ARHGEF4: variants seen among roughly 807,000 people sequenced by gnomAD.
ARHGEF4 encodes the protein Rho guanine nucleotide exchange factor 4.
Under a neutral mutation model 162.0 loss-of-function variants are expected in ARHGEF4, and 119 were observed. The observed-to-expected ratio is 0.73, with a 90% CI of 0.63 to 0.86. The LOEUF (loss-of-function observed/expected upper bound fraction) is 0.86. ARHGEF4 is among the 40% of genes least tolerant of loss of function. The pLI is 0.00. For missense variants in ARHGEF4, 2,488 were observed against 2,456.0 expected, an observed-to-expected ratio of 1.01 and a Z score of -0.28; for synonymous variants, 1,014 against 979.9, an observed-to-expected ratio of 1.03 and a Z score of -0.65.
rs188660493 is a variant in ARHGEF4, at chr2:130,983,895, C to T, written c.3985+37260C>T. Among the ~76,000 whole-genome samples the T allele has an allele frequency of 1.5e-3, 222 of 152,170 alleles. 1 individual carries two copies. The highest frequency in any genetic ancestry group is 4.7e-3 in the African/African-American group (197 of 41,518). Reference sequence around the variant, plus strand: ...TGATCTCCTGACCTTGTGATCTGCCCGCTTCGGCCTCCCAAAGTGCTGGGA... The same window carrying T: ...TGATCTCCTGACCTTGTGATCTGCCTGCTTCGGCCTCCCAAAGTGCTGGGA... On this transcript the variant is annotated intron_variant, in intron 4 of 13. Transcript: ENST00000409359.
intron 1 of ARHGEF4, 150 bp downstream of exon 1, chr2:130,837,142 CT>C (rs1245920121): frequency 1.4e-6 from 1 of 729,386 alleles, no homozygotes; most frequent in Non-Finnish European, 1.9e-6. Flanking sequence ...CCGCTCCCAA[CT>C]TTCCGACGTG....
chr2:131,016,831 T>G (rs1268539932), intron 4 of ARHGEF4, among the ~76,000 whole-genome samples: 1 of 152,314 alleles, frequency 6.6e-6, no homozygotes, highest in East Asian at 1.9e-4. Context: ...TGCAGGGCAG[T>G]AGGTCAGCAT....
chr2:130,896,674 C>G (rs1048611040), intron 1 of ARHGEF4, among the ~76,000 whole-genome samples: 1 of 152,192 alleles, frequency 6.6e-6, no homozygotes, highest in Non-Finnish European at 1.5e-5. Flanking sequence ...CAGTAATTTT[C>G]ACATTTCTTG....
At chr2:131,023,995 G>A (rs1309200216) in intron 4 of ARHGEF4, among the ~76,000 whole-genome samples, 1 of 152,160 alleles carries the variant, frequency 6.6e-6, no homozygotes, top group East Asian at 1.9e-4. Context: ...TAGAGTGCAG[G>A]ACATTTGGCT....
intron 1 of ARHGEF4, among the ~76,000 whole-genome samples, chr2:130,908,279 A>G (rs1278829921): frequency 6.6e-6 from 1 of 152,176 alleles, no homozygotes; most frequent in African/African-American, 2.4e-5. Flanking sequence ...TAGAAATGCT[A>G]CTGGTTTTTC....
At chr2:130,938,644 C>T (rs1683104646) in intron 3 of ARHGEF4, among the ~76,000 whole-genome samples, 1 of 151,932 alleles carries the variant, frequency 6.6e-6, no homozygotes, top group Non-Finnish European at 1.5e-5. Context: ...GATATTAGTC[C>T]TTTGTTGAAT....
At chr2:130,910,767 A>G (rs1377415496) in intron 1 of ARHGEF4, among the ~76,000 whole-genome samples, 5 of 152,222 alleles carry the variant, frequency 3.3e-5, no homozygotes, top group African/African-American at 4.8e-5. Context: ...ACTTCAAAAA[A>G]TCAGTATCAC....
At chr2:131,035,114 G>A in intron 5 of ARHGEF4, 2 of 1,138,398 alleles carry the variant, frequency 1.8e-6, no homozygotes, top group Non-Finnish European at 1.1e-6. Context: ...CCGCAGCCCC[G>A]GCGCGGCCCC....
At chr2:131,038,464 CAG>C (rs1690476548) in intron 5 of ARHGEF4, among the ~76,000 whole-genome samples, 1 of 150,258 alleles carries the variant, frequency 6.7e-6, no homozygotes, top group African/African-American at 2.5e-5. Context: ...CCTTGCAGCC[CAG>C]CCTCTCCCTC....
intron 1 of ARHGEF4, among the ~76,000 whole-genome samples, chr2:130,856,273 T>C (rs1681778507): frequency 6.6e-6 from 1 of 152,144 alleles, no homozygotes; most frequent in Admixed American, 6.5e-5. Context: ...GAAGAATCCA[T>C]GAACTTAATG....
At chr2:130,993,425 A>G (rs573480693) in intron 4 of ARHGEF4, among the ~76,000 whole-genome samples, 3 of 152,200 alleles carry the variant, frequency 2.0e-5, no homozygotes, top group East Asian at 2.0e-4. Flanking sequence ...AGTGTTTCAT[A>G]TGTACTTAAA....
chr2:130,888,881 ACC>A (rs1679681645), intron 1 of ARHGEF4, among the ~76,000 whole-genome samples: 1 of 152,060 alleles, frequency 6.6e-6, no homozygotes. Flanking sequence ...CAGGTGGATC[ACC>A]TGAGGTCAGG....
At position 130,985,918 on chromosome 2, in the gene ARHGEF4, G is replaced by A. The variant is rs190305453; in HGVS notation, c.3985+39283G>A. Among the ~76,000 whole-genome samples, 469 of 151,756 alleles carry A rather than the reference G, an allele frequency of 3.1e-3. 2 individuals carry two copies. The highest frequency in any genetic ancestry group is 0.01 in the African/African-American group (432 of 41,374). ...TGTGCATTGTGAGTGATGTGCGTGC[G>A]TAGGGTGTGTTGCATGTGTGTGTTG... On this transcript the variant is annotated intron_variant, in intron 4 of 13. Coordinates refer to ENST00000409359, the MANE Select transcript of ARHGEF4 (RefSeq NM_001367493.1).
intron 4 of ARHGEF4, chr2:130,964,238 C>T (rs1684833504): frequency 1.0e-6 from 1 of 985,692 alleles, no homozygotes; most frequent in Non-Finnish European, 1.2e-6. Context: ...AGCCTGCGCT[C>T]GGCCACCGCC....
At chr2:131,023,766 T>A (rs1689297068) in intron 4 of ARHGEF4, among the ~76,000 whole-genome samples, 1 of 152,214 alleles carries the variant, frequency 6.6e-6, no homozygotes, top group South Asian at 2.1e-4. Context: ...GGCATTTATC[T>A]CAGAGAAATG....
At chr2:130,950,058 T>A (rs1683857683) in intron 4 of ARHGEF4, among the ~76,000 whole-genome samples, 1 of 152,230 alleles carries the variant, frequency 6.6e-6, no homozygotes, top group Non-Finnish European at 1.5e-5. Flanking sequence ...GAAGTGACGT[T>A]CTTTCAGAGA....
At chr2:130,920,079 T>G (rs901590380) in intron 2 of ARHGEF4, among the ~76,000 whole-genome samples, 8 of 151,734 alleles carry the variant, frequency 5.3e-5, no homozygotes, top group East Asian at 1.9e-4. Context: ...TTGTTGGGGT[T>G]TTTTTTTGTG....
At chr2:131,004,639 G>A (rs954905819) in intron 4 of ARHGEF4, among the ~76,000 whole-genome samples, 4 of 152,000 alleles carry the variant, frequency 2.6e-5, no homozygotes, top group African/African-American at 7.2e-5. Context: ...TGACCCGGCC[G>A]TGAGCGCCTG....
At chr2:130,846,203 G>A (rs1348421562) in intron 1 of ARHGEF4, among the ~76,000 whole-genome samples, 1 of 152,218 alleles carries the variant, frequency 6.6e-6, no homozygotes, top group Non-Finnish European at 1.5e-5. Flanking sequence ...GCCTTCCTCG[G>A]CTGAGTGCTC....
Sources: allele counts gnomAD v4.1 joint callset (sites outside exome capture counted in the v4.1 genomes callset), GRCh38; gene constraint gnomAD v4.1.1; transcripts MANE v1.5; gene names NCBI Gene and HGNC (gene_info 2026-07-23, HGNC 2026-07-21).